Variants in CLVS1 observed in about 807,000 individuals in gnomAD.
CLVS1 encodes the protein clavesin-1.
CLVS1 carries 10 observed loss-of-function variants against 33.1 expected under a neutral mutation model. The observed-to-expected ratio is 0.30, with a 90% CI of 0.19 to 0.51. The LOEUF (loss-of-function observed/expected upper bound fraction) is 0.51, where lower values mean the gene tolerates loss of function less well. Ranked by LOEUF, CLVS1 falls within the 20% of genes least tolerant of loss-of-function variation. CLVS1 has a pLI of 0.97. For missense variants in CLVS1, 343 were observed against 433.4 expected (o/e 0.79, Z 1.85); for synonymous variants, 163 against 166.1 (o/e 0.98, Z 0.14).
chr8:61,351,343 A>C (rs951801587), intron 2 of CLVS1, among the ~76,000 whole-genome samples: 4 of 152,110 alleles, frequency 2.6e-5, no homozygotes, highest in African/African-American at 9.6e-5. Flanking sequence ...GGAGACAAAA[A>C]TGATAAAGCC....
chr8:61,050,847 C>G, the CLVS1 span, among the ~76,000 whole-genome samples: 2 of 152,214 alleles, frequency 1.3e-5, no homozygotes, highest in Admixed American at 1.3e-4. Flanking sequence ...TATCTCTGGG[C>G]AGCTATTTCT....
chr8:61,191,631 A>G (rs1237404464), intron 2 of CLVS1, among the ~76,000 whole-genome samples: 4 of 152,168 alleles, frequency 2.6e-5, no homozygotes, highest in African/African-American at 9.6e-5. Context: ...AAATCCCATC[A>G]TCTCAGCCCA....
At chr8:61,091,430 C>T (rs577853788) in intron 1 of CLVS1, among the ~76,000 whole-genome samples, 33 of 152,264 alleles carry the variant, frequency 2.2e-4, no homozygotes, top group South Asian at 8.3e-4. Flanking sequence ...CAGTAGGAAA[C>T]GAATACACAT....
intron 2 of CLVS1, among the ~76,000 whole-genome samples, chr8:61,232,226 C>T (rs950071803): frequency 2.6e-5 from 4 of 151,478 alleles, no homozygotes; most frequent in African/African-American, 7.3e-5. Context: ...TTAGTAGAGA[C>T]GGGGTTTCAC....
chr8:61,092,692 C>T (rs140193233), intron 1 of CLVS1, among the ~76,000 whole-genome samples: 1 of 152,348 alleles, frequency 6.6e-6, no homozygotes, highest in East Asian at 1.9e-4. Context: ...ACGGATTCTT[C>T]TGACTCCTCT....
chr8:61,355,772 C>T (rs940789527), intron 2 of CLVS1, among the ~76,000 whole-genome samples: 1 of 152,154 alleles, frequency 6.6e-6, no homozygotes, highest in South Asian at 2.1e-4. Flanking sequence ...CATAGTATTC[C>T]ATGGTGTATA....
At chr8:61,073,237 C>T (rs1231308339) in intron 1 of CLVS1, among the ~76,000 whole-genome samples, 3 of 152,164 alleles carry the variant, frequency 2.0e-5, no homozygotes, top group African/African-American at 2.4e-5. Context: ...GATACTAGAA[C>T]AATTATCTAT....
intron 2 of CLVS1, among the ~76,000 whole-genome samples, chr8:61,139,384 A>G (rs1051599716): frequency 5.7e-4 from 87 of 152,310 alleles, no homozygotes; most frequent in African/African-American, 1.9e-3. Context: ...AAAATGAAAC[A>G]ATTCTGTTCG....
intron 5 of CLVS1, among the ~76,000 whole-genome samples, chr8:61,472,499 A>T (rs1391952614): frequency 6.6e-6 from 1 of 152,186 alleles, no homozygotes; most frequent in Non-Finnish European, 1.5e-5. Context: ...GATGAGGAAG[A>T]TATCATCAAC....
At chr8:61,136,554 G>T (rs1430985750) in intron 2 of CLVS1, among the ~76,000 whole-genome samples, 1 of 152,154 alleles carries the variant, frequency 6.6e-6, no homozygotes, top group Non-Finnish European at 1.5e-5. Flanking sequence ...GGAGCTGGAG[G>T]CCATTATCCT....
chr8:61,223,340 G>A (rs1294988272), intron 2 of CLVS1, among the ~76,000 whole-genome samples: 1 of 152,152 alleles, frequency 6.6e-6, no homozygotes, highest in Non-Finnish European at 1.5e-5. Flanking sequence ...TACATTTAGT[G>A]CTTCTTTCAG....
At chr8:61,445,200 T>A (rs1000550523) in intron 3 of CLVS1, among the ~76,000 whole-genome samples, 1 of 152,238 alleles carries the variant, frequency 6.6e-6, no homozygotes, top group African/African-American at 2.4e-5. Flanking sequence ...TGCTAATATT[T>A]CATTAAGAGT....
intron 2 of CLVS1, among the ~76,000 whole-genome samples, chr8:61,249,548 G>A (rs1013123037): frequency 5.3e-5 from 8 of 152,160 alleles, no homozygotes; most frequent in Non-Finnish European, 1.2e-4. Context: ...CAGTGTAAAA[G>A]CATTCCTATT....
intron 3 of CLVS1, among the ~76,000 whole-genome samples, chr8:61,398,027 T>C (rs1814598300): frequency 6.6e-6 from 1 of 152,116 alleles, no homozygotes; most frequent in African/African-American, 2.4e-5. Flanking sequence ...TTGTCAATTT[T>C]TGCACAAAAA....
intron 2 of CLVS1, among the ~76,000 whole-genome samples, chr8:61,303,128 G>A (rs774569260): frequency 6.6e-6 from 1 of 152,120 alleles, no homozygotes; most frequent in Admixed American, 6.5e-5. Context: ...GTTGTTTTCA[G>A]TGTTCTAGAA....
intron 2 of CLVS1, among the ~76,000 whole-genome samples, chr8:61,171,705 C>T (rs538718250): frequency 1.3e-5 from 2 of 152,298 alleles, no homozygotes; most frequent in African/African-American, 4.8e-5. Flanking sequence ...ATAAAAGCCA[C>T]ATTCCTTATC....
At chr8:61,378,858 G>A (rs1813753879) in intron 3 of CLVS1, among the ~76,000 whole-genome samples, 1 of 152,128 alleles carries the variant, frequency 6.6e-6, no homozygotes, top group African/African-American at 2.4e-5. Context: ...CTTTTTTCAG[G>A]TAGCCATTAA....
At chr8:61,074,778 A>G (rs1804878179) in intron 1 of CLVS1, among the ~76,000 whole-genome samples, 1 of 152,062 alleles carries the variant, frequency 6.6e-6, no homozygotes, top group South Asian at 2.1e-4. Context: ...ACCTTGCAGG[A>G]TTGTTTGTAA....
chr8:61,307,886 C>T (rs1031193267), intron 2 of CLVS1, among the ~76,000 whole-genome samples: 2 of 152,162 alleles, frequency 1.3e-5, no homozygotes, highest in Non-Finnish European at 2.9e-5. Flanking sequence ...TTCCACATTC[C>T]ATATCCATGT....
Sources: allele counts gnomAD v4.1 joint callset (sites outside exome capture counted in the v4.1 genomes callset), GRCh38; gene constraint gnomAD v4.1.1; transcripts MANE v1.5; gene names NCBI Gene and HGNC (gene_info 2026-07-23, HGNC 2026-07-21).